KIAA2012: variants seen among roughly 807,000 people sequenced by gnomAD.
KIAA2012 encodes the protein uncharacterized protein KIAA2012.
A neutral mutation model predicts 150.6 loss-of-function variants in KIAA2012; 125 were observed. That is an observed-to-expected ratio of 0.83 (90% CI 0.72 to 0.96). The LOEUF (loss-of-function observed/expected upper bound fraction) is 0.96, where lower values mean the gene tolerates loss of function less well. KIAA2012 is among the 40% of genes least tolerant of loss of function. KIAA2012 has a pLI of 0.00. For synonymous variants in KIAA2012, 462 were observed against 504.7 expected (o/e 0.92, Z 1.13); for missense variants, 1,219 against 1,354.9 (o/e 0.90, Z 1.57).
rs1487397617 is a variant in KIAA2012, at chr2:202,104,970, A to C, written c.1325-791A>C. The stretch of plus-strand genomic sequence containing the variant: ...GAACCAGATTCTTAAAGCCAGATGC[A>C]CTGAGCTTACCAACACACTGACAAT... On this transcript the variant is annotated intron_variant, in intron 8 of 23. Transcript: ENST00000498697. The surrounding 1 kb of genome is among the most constrained non-coding windows in gnomAD (Gnocchi z 4.3). Among the ~76,000 whole-genome samples the C allele has an allele frequency of 6.6e-6, 1 of 152,222 alleles. No homozygotes were observed. Among genetic ancestry groups the C allele is most frequent in the Non-Finnish European group, 1.5e-5 (1 of 68,040 alleles).
chr2:202,099,834 AG>A, intron 6 of KIAA2012, 38 bp downstream of exon 6: 2 of 1,509,098 alleles, frequency 1.3e-6, no homozygotes, highest in South Asian at 1.3e-5. Context: ...ATCTGGGTAA[AG>A]CCAGTCATGC....
chr2:202,203,218 T>A (rs1301848165), intron 23 of KIAA2012, among the ~76,000 whole-genome samples: 1 of 152,172 alleles, frequency 6.6e-6, no homozygotes, highest in Non-Finnish European at 1.5e-5. Flanking sequence ...TTTCAGTCAA[T>A]GTATCTGAAA....
intron 22 of KIAA2012, chr2:202,201,313 C>T (rs997463197): frequency 2.5e-6 from 4 of 1,585,772 alleles, no homozygotes; most frequent in Middle Eastern, 2.2e-4. Flanking sequence ...ATGACTACAG[C>T]AGTTACATTG....
At chr2:202,171,972 G>A (rs1691903640) in intron 15 of KIAA2012, among the ~76,000 whole-genome samples, 1 of 150,152 alleles carries the variant, frequency 6.7e-6, no homozygotes, top group Non-Finnish European at 1.5e-5. Context: ...TCAACCTCTC[G>A]AGTAGCTGGG....
intron 20 of KIAA2012, among the ~76,000 whole-genome samples, chr2:202,193,866 T>C (rs1692362438): frequency 6.6e-6 from 1 of 152,234 alleles, no homozygotes; most frequent in South Asian, 2.1e-4. Flanking sequence ...GCTAGGCCCT[T>C]TCACAGGCCT....
intron 14 of KIAA2012, among the ~76,000 whole-genome samples, chr2:202,156,194 G>A (rs1007970585): frequency 6.6e-6 from 1 of 151,888 alleles, no homozygotes; most frequent in African/African-American, 2.4e-5. Flanking sequence ...AACATAGTGA[G>A]ACCCCATCTC....
At chr2:202,148,993 C>A (rs1189713337) in intron 13 of KIAA2012, among the ~76,000 whole-genome samples, 1 of 152,206 alleles carries the variant, frequency 6.6e-6, no homozygotes, top group African/African-American at 2.4e-5. Context: ...CGCAGGCTGC[C>A]ATGGGCAAGG....
At chr2:202,109,492 T>G in intron 9 of KIAA2012, 121 bp from the exon 10 acceptor site, 2 of 774,808 alleles carry the variant, frequency 2.6e-6, no homozygotes, top group Non-Finnish European at 4.0e-6. Context: ...ACAATACAAT[T>G]ACCAGTTCTT....
intron 11 of KIAA2012, chr2:202,115,530 A>C (rs2882485): frequency 6.6e-6 from 1 of 151,948 alleles, no homozygotes; most frequent in Admixed American, 6.6e-5. Flanking sequence ...ATGTAGCCTC[A>C]GCCCCATTCC....
chr2:202,093,202 A>G lies in KIAA2012; in HGVS notation c.685+17A>G. The G allele has an allele frequency of 3.9e-6, 6 of 1,549,850 alleles. No homozygotes were observed. The highest frequency in any genetic ancestry group is 5.2e-6 in the Non-Finnish European group (6 of 1,146,144). ...TTGAACAACGTACGTGTTGATTTAC[A>G]TGTTGATTTTATGACCAGTTCTCAG... On this transcript the variant is annotated intron_variant, in intron 4 of 23. Transcript: ENST00000498697.
chr2:202,196,185 T>C (rs35075581), intron 21 of KIAA2012, among the ~76,000 whole-genome samples: 1 of 125,424 alleles, frequency 8.0e-6, no homozygotes, highest in Non-Finnish European at 1.6e-5. Context: ...TCTTTTCTTT[T>C]CTTTTTTTTT....
At chr2:202,141,606 A>G (rs919725881) in intron 13 of KIAA2012, among the ~76,000 whole-genome samples, 5 of 152,242 alleles carry the variant, frequency 3.3e-5, no homozygotes, top group African/African-American at 1.2e-4. Flanking sequence ...CTGAAGGTAC[A>G]GTGCCCTTTT....
chr2:202,162,286 G>GTT (rs1691672213), intron 14 of KIAA2012, among the ~76,000 whole-genome samples: 1 of 151,858 alleles, frequency 6.6e-6, no homozygotes, highest in South Asian at 2.1e-4. Context: ...TTGCTTGTTT[G>GTT]TTTTTTTAGA....
At chr2:202,143,441 GT>G (rs1349891511) in intron 13 of KIAA2012, among the ~76,000 whole-genome samples, 72 of 124,390 alleles carry the variant, frequency 5.8e-4, no homozygotes, top group African/African-American at 2.1e-3. Context: ...CTGCAACTAT[GT>G]AAAAAAAAAA....
At chr2:202,074,789 A>C in intron 1 of KIAA2012, 102 bp from the exon 2 acceptor site, 7 of 1,208,728 alleles carry the variant, frequency 5.8e-6, no homozygotes, top group Non-Finnish European at 6.8e-6. Context: ...AGTTCAGAGA[A>C]AATCAGTAAC....
At chr2:202,196,460 G>T (rs1169264205) in intron 21 of KIAA2012, among the ~76,000 whole-genome samples, 1 of 151,870 alleles carries the variant, frequency 6.6e-6, no homozygotes, top group African/African-American at 2.4e-5. Flanking sequence ...CTCCCAAAGT[G>T]CTGGGATTAC....
At chr2:202,133,347 C>T (rs1691001260) in intron 12 of KIAA2012, among the ~76,000 whole-genome samples, 1 of 151,660 alleles carries the variant, frequency 6.6e-6, no homozygotes, top group African/African-American at 2.4e-5. Flanking sequence ...ATTCAGTCCT[C>T]TAGCTAGGCT....
At chr2:202,135,938 C>G (rs931687840) in intron 12 of KIAA2012, 4 of 231,898 alleles carry the variant, frequency 1.7e-5, no homozygotes, top group Non-Finnish European at 2.8e-5. Flanking sequence ...TGCCCTTGAG[C>G]CAATTGAATG....
In KIAA2012 at chr2:202,073,437, C is replaced by A; in HGVS notation, c.-191C>A. 1 of 544,610 alleles carries A rather than the reference C, an allele frequency of 1.8e-6. No individual in the cohort carries two copies. 33.7% of individuals were successfully genotyped at this position (544,610 alleles called of 1,614,324 possible). A position where few individuals can be genotyped will look rare whatever the true frequency, so the allele number is the denominator to read the frequency against. ...TATTTTTTCTCTCCACAAAGACACACACTGTCTAAACTGTGTGGCTGGTTG... is the reference window on the plus strand; with the variant it reads ...TATTTTTTCTCTCCACAAAGACACAAACTGTCTAAACTGTGTGGCTGGTTG... On this transcript the variant is annotated 5_prime_UTR_variant, in exon 1 of 24. Transcript: ENST00000498697.
Sources: allele counts gnomAD v4.1 joint callset (sites outside exome capture counted in the v4.1 genomes callset), GRCh38; gene constraint gnomAD v4.1.1; non-coding constraint Gnocchi (gnomAD v3.1); transcripts MANE v1.5; gene names NCBI Gene and HGNC (gene_info 2026-07-23, HGNC 2026-07-21).